Variants in HERC3 observed in about 807,000 individuals in gnomAD.
HERC3 encodes probable E3 ubiquitin-protein ligase HERC3.
HERC3 carries 58 observed loss-of-function variants against 129.9 expected under a neutral mutation model. The ratio of observed to expected loss-of-function variants is 0.45; its 90% CI spans 0.36 to 0.56. The LOEUF (loss-of-function observed/expected upper bound fraction) is 0.56. HERC3 is among the 20% of genes least tolerant of loss of function. HERC3 has a pLI of 0.00. For missense variants in HERC3, 835 were observed against 1,244.2 expected (o/e 0.67, Z 4.95); for synonymous variants, 430 against 451.0 (o/e 0.95, Z 0.59).
intron 23 of HERC3, chr4:88,693,780 C>CAA: frequency 1.6e-6 from 1 of 625,960 alleles, no homozygotes; most frequent in Non-Finnish European, 2.0e-6. Context: ...GCGTAATACT[C>CAA]AGAGAGTTGG....
chr4:88,653,109 T>A lies in HERC3; in HGVS notation c.685+19T>A. ...GAAAAAGGTAGGTAAACCCTTCATA[T>A]GTATGTATTTAGTTTAAAAGCACAT... On this transcript the variant is annotated intron_variant, in intron 6 of 25. Coordinates refer to ENST00000402738, the MANE Select transcript of HERC3 (RefSeq NM_014606.3). 6.2e-7 allele frequency: 1 copy of A among 1,609,680 alleles called. No individual in the cohort carries two copies. The highest frequency in any genetic ancestry group is 8.5e-7 in the Non-Finnish European group (1 of 1,176,328).
intron 23 of HERC3, chr4:88,695,988 C>G (rs1309607479): frequency 6.6e-6 from 1 of 152,658 alleles, no homozygotes; most frequent in Admixed American, 6.5e-5. Context: ...TTATAGATCA[C>G]TGGCTCACAC....
the HERC3 span, among the ~76,000 whole-genome samples, chr4:88,540,924 C>T: frequency 6.6e-6 from 1 of 152,174 alleles, no homozygotes; most frequent in East Asian, 1.9e-4. Context: ...GCCTGCCTTA[C>T]AAGAGCTCCT....
intron 21 of HERC3, among the ~76,000 whole-genome samples, chr4:88,682,819 A>G (rs1197642211): frequency 3.3e-5 from 5 of 151,952 alleles, no homozygotes; most frequent in African/African-American, 2.4e-5. Context: ...ATGATTTATA[A>G]TCCTTTGGGT....
At chr4:88,549,206 A>T in the HERC3 span, among the ~76,000 whole-genome samples, 3 of 152,068 alleles carry the variant, frequency 2.0e-5, no homozygotes, top group Non-Finnish European at 2.9e-5. Context: ...TTGCATGTGG[A>T]TGCAATTTGT....
rs942150114 is a variant in HERC3 at position 88,592,538 on chromosome 4, A to G, written c.-124A>G. 6.6e-6 allele frequency: 1 copy of G among 152,324 alleles called. No individual in the cohort carries two copies. Among genetic ancestry groups the G allele is most frequent in the South Asian group, 2.1e-4 (1 of 4,840 alleles). 9.4% of individuals were successfully genotyped at this position (152,324 alleles called of 1,614,324 possible). On this transcript the variant is annotated 5_prime_UTR_variant, in exon 1 of 26. Coordinates refer to ENST00000402738, the MANE Select transcript of HERC3 (RefSeq NM_014606.3). ...CGGGTCCGGCGAGAGGGGCTGTGAC[A>G]GTCGGAGTCCCAAGCTGCGGTTCGG...
intron 2 of HERC3, among the ~76,000 whole-genome samples, chr4:88,596,331 CTTG>C (rs1179896061): frequency 1.3e-5 from 2 of 152,108 alleles, no homozygotes; most frequent in Admixed American, 1.3e-4. Flanking sequence ...AGAAATAGTA[CTTG>C]TTGGTGGCAG....
At chr4:88,695,777 G>A (rs1027656906) in intron 23 of HERC3, 7 of 152,504 alleles carry the variant, frequency 4.6e-5, no homozygotes, top group African/African-American at 1.7e-4. Flanking sequence ...ATGAGGAAGG[G>A]ACTATTCCTA....
rs143495511 is a variant in HERC3 at position 88,654,797 on chromosome 4, C to T, written c.778-377C>T. ...AGCTGTTAAAAAAACAGCTTACTTA[C>T]CAAGGAATTTGTAGAGCACCTAATT... On this transcript the variant is annotated intron_variant, in intron 7 of 25. Transcript: ENST00000402738. Among the ~76,000 whole-genome samples, 1,442 of 152,110 alleles carry T rather than the reference C, an allele frequency of 9.5e-3. 21 individuals carry two copies. The highest frequency in any genetic ancestry group is 0.032 in the African/African-American group (1,345 of 41,536).
At chr4:88,634,522 G>T (rs115263930) in intron 3 of HERC3, among the ~76,000 whole-genome samples, 3 of 152,164 alleles carry the variant, frequency 2.0e-5, no homozygotes, top group African/African-American at 7.2e-5. Context: ...AGGGATGGCC[G>T]TAGTCTCTGT....
At chr4:88,691,036 T>C (rs1226546841) in intron 23 of HERC3, among the ~76,000 whole-genome samples, 1 of 152,142 alleles carries the variant, frequency 6.6e-6, no homozygotes, top group East Asian at 1.9e-4. Flanking sequence ...AGGACAGATA[T>C]GGGATAGAGC....
chr4:88,661,183 T>C (rs1560732823), intron 10 of HERC3, among the ~76,000 whole-genome samples: 1 of 152,184 alleles, frequency 6.6e-6, no homozygotes, highest in Non-Finnish European at 1.5e-5. Flanking sequence ...GTAACAACAG[T>C]GGTTTTACAA....
the HERC3 span, among the ~76,000 whole-genome samples, chr4:88,551,526 T>C: frequency 1.2e-3 from 175 of 150,444 alleles, no homozygotes; most frequent in Non-Finnish European, 2.2e-3. Flanking sequence ...AAAAGACACA[T>C]GAAAAAATGC....
chr4:88,530,877 T>C, the HERC3 span, among the ~76,000 whole-genome samples: 702 of 152,116 alleles, frequency 4.6e-3, 5 homozygotes, highest in African/African-American at 0.016. Context: ...TGAGACAGAG[T>C]CTTGCTCTGT....
At position 88,707,998 on chromosome 4, in the gene HERC3, CCTT is replaced by C. The variant is rs1735909335; in HGVS notation, c.*1041_*1043del. On this transcript the variant is annotated 3_prime_UTR_variant, in exon 26 of 26. Coordinates refer to ENST00000402738, the MANE Select transcript of HERC3 (RefSeq NM_014606.3). ...ACTCAGTGCTCCCTTCCTCTCCTCT[CCTT>C]CTAGTGGATGCATGCAGCCTTTTTT... The C allele has an allele frequency of 3.9e-5, 6 of 152,466 alleles. No homozygotes were observed. Among genetic ancestry groups the C allele is most frequent in the Admixed American group, 3.9e-4 (6 of 15,260 alleles). The allele number at this position is 152,466 out of a possible 1,614,324, so 9.4% of individuals were successfully genotyped here.
At chr4:88,687,973 G>A (rs537144714) in intron 23 of HERC3, among the ~76,000 whole-genome samples, 57 of 152,234 alleles carry the variant, frequency 3.7e-4, no homozygotes, top group Non-Finnish European at 6.9e-4. Context: ...CAAACACTGA[G>A]TGCCCACTGT....
At chr4:88,529,520 C>T in the HERC3 span, among the ~76,000 whole-genome samples, 1 of 152,096 alleles carries the variant, frequency 6.6e-6, no homozygotes, top group Non-Finnish European at 1.5e-5. Context: ...CTTTGGGAGG[C>T]CAAGGCCGGT....
chr4:88,659,329 A>G (rs1730243224), intron 10 of HERC3, among the ~76,000 whole-genome samples: 1 of 152,216 alleles, frequency 6.6e-6, no homozygotes, highest in Admixed American at 6.5e-5. Flanking sequence ...GATAATGAGC[A>G]ACTGTGGAAA....
chr4:88,669,894 C>T lies in HERC3; in HGVS notation c.1668C>T (p.Phe556=), dbSNP rs767600086. 7.4e-6 allele frequency: 12 copies of T among 1,613,468 alleles called. No individual in the cohort carries two copies. The highest frequency in any genetic ancestry group is 6.7e-5 in the Admixed American group (4 of 59,974). The part of the protein sequence containing the change: ...NWWSQVCPKY[F]MKLVNLYKGA... ...GGTCTCAGGTATGCCCGAAATATTT[C>T]ATGAAGCTGGTAAACCTCTATAAAG... Residue 556 remains phenylalanine, a synonymous_variant, in exon 15 of 26, where the codon TTC becomes TTT. Coordinates refer to ENST00000402738, the MANE Select transcript of HERC3 (RefSeq NM_014606.3).
Sources: gnomAD v4.1 joint callset for allele counts (sites outside exome capture counted in the v4.1 genomes callset) on GRCh38, gnomAD v4.1.1 for gene constraint, MANE v1.5 for transcripts, NCBI Gene and HGNC (gene_info 2026-07-23, HGNC 2026-07-21) for gene names.